The following PHRF1 variants were observed in gnomAD, a reference collection of about 807,000 sequenced individuals.
The protein encoded by PHRF1 is PHD and ring finger domains 1, also known as PHD and RING finger domain-containing protein 1.
Under a neutral mutation model 128.9 loss-of-function variants are expected in PHRF1, and 53 were observed. That is an observed-to-expected ratio of 0.41 (90% confidence interval 0.33 to 0.52). The LOEUF is 0.52. Ranked by LOEUF, PHRF1 falls within the 20% of genes least tolerant of loss-of-function variation. The pLI, the probability that PHRF1 is intolerant of heterozygous loss-of-function variation, is 0.21. For synonymous variants in PHRF1, 1,178 were observed against 980.6 expected, an observed-to-expected ratio of 1.20 and a Z score of -3.76; for missense variants, 2,503 against 2,284.5, an observed-to-expected ratio of 1.10 and a Z score of -1.95.
chr11:585,742 A>C lies in PHRF1; in HGVS notation c.215-1517A>C, dbSNP rs551393857. On this transcript the variant is annotated intron_variant, in intron 3 of 17. Transcript: ENST00000264555. ...GTTGCCCAGGCTGGAGTGCAGCAGC[A>C]CGATCTCAGTTCACTGCAAGCTCTG... 2.8e-5 allele frequency among the ~76,000 whole-genome samples: 4 copies of C among 140,822 alleles called. No individual in the cohort carries two copies. In the South Asian group the frequency reaches 8.7e-4, roughly 31 times the overall value. 92.4% of individuals were successfully genotyped at this position (140,822 alleles called of 152,430 possible).
rs554456773 is a variant in PHRF1 at position 593,668 on chromosome 11, C to T, written c.620+994C>T. Among the ~76,000 whole-genome samples the T allele has an allele frequency of 5.3e-5, 8 of 152,334 alleles. No individual in the cohort carries two copies. In the East Asian group the frequency reaches 1.4e-3, roughly 26 times the overall value. On this transcript the variant is annotated intron_variant, in intron 6 of 17. Transcript: ENST00000264555. ...GCCTCCTTGGGGGTCCTGCAGGCGG[C>T]CACCACGTTTGTCTCATCGTCAGTT...
Position 605,860 on chromosome 11 carries a change from C to T in PHRF1, c.1454+136C>T, listed in dbSNP as rs1479865754. 5.2e-6 allele frequency: 7 copies of T among 1,344,124 alleles called. No homozygotes were observed. The East Asian group carries it at 1.3e-4, about 24-fold the overall frequency. The allele number at this position is 1,344,124 out of a possible 1,614,324, so 83.3% of individuals were successfully genotyped here. On this transcript the variant is annotated intron_variant, in intron 12 of 17. Transcript: ENST00000264555. ...AGCACCTCCCCTCAGCTGTCATGCT[C>T]ATCAGTCGGCCCTTGGCGTGAGGCA...
intron 6 of PHRF1, among the ~76,000 whole-genome samples, chr11:595,807 C>G (rs1418612948): frequency 6.6e-6 from 1 of 152,356 alleles, no homozygotes; most frequent in African/African-American, 2.4e-5. Context: ...GAAGGTACTG[C>G]TCATCCTTGC....
Position 605,472 on chromosome 11 carries a change from G to C in PHRF1, c.1335-133G>C, listed in dbSNP as rs2133055379. 4.0e-6 allele frequency: 6 copies of C among 1,490,798 alleles called. No individual in the cohort carries two copies. In the East Asian group the frequency reaches 9.2e-5, roughly 23 times the overall value. The allele number at this position is 1,490,798 out of a possible 1,614,324, so 92.3% of individuals were successfully genotyped here. On this transcript the variant is annotated intron_variant, in intron 11 of 17. Transcript: ENST00000264555. ...TGGGTGGCGTGGAACTCAGAGGTCT[G>C]GTTCGGGGCCCGAATCACACGTGCC...
chr11:601,146 G>A (rs908724290), intron 9 of PHRF1, among the ~76,000 whole-genome samples: 4 of 151,862 alleles, frequency 2.6e-5, no homozygotes, highest in East Asian at 1.9e-4. Context: ...GCAAGACTCC[G>A]TCTCAGAAAA....
At position 579,949 on chromosome 11, in the gene PHRF1, G is replaced by T. The variant is rs749780241; in HGVS notation, c.-21-1543G>T. ...CCAGGGGTTTCCAGACAGCAGTGGC[G>T]CTGACAGCCACTTTCCCCCGTTGCT... On this transcript the variant is annotated intron_variant, in intron 1 of 17. Coordinates refer to ENST00000264555, the MANE Select transcript of PHRF1 (RefSeq NM_001286581.2). Among the ~76,000 whole-genome samples the T allele has an allele frequency of 2.6e-5, 4 of 152,192 alleles. No individual in the cohort carries two copies. The South Asian group carries it at 6.2e-4, about 24-fold the overall frequency.
chr11:608,098 C>T lies in PHRF1; in HGVS notation c.2642C>T (p.Ser881Phe). 1 of 1,611,874 alleles carries T rather than the reference C, an allele frequency of 6.2e-7. No individual in the cohort carries two copies. Among genetic ancestry groups the T allele is most frequent in the Non-Finnish European group, 8.5e-7 (1 of 1,179,876 alleles). Residue 881 changes from serine to phenylalanine, a missense_variant, in exon 14 of 18, where the codon TCC becomes TTC. Coordinates refer to ENST00000264555, the MANE Select transcript of PHRF1 (RefSeq NM_001286581.2). ...GTGCAGGCTGTGCGCTGCGTCACCT[C>T]CTACACGGTGGAGAGCATCTTTGGT... is the stretch of plus-strand genomic sequence containing the variant. The part of the protein sequence containing the change: ...QTVQAVRCVT[S>F]YTVESIFGTE...
chr11:576,701 C>T (rs1235928096), intron 1 of PHRF1, 109 bp downstream of exon 1: 1 of 147,166 alleles, frequency 6.8e-6, no homozygotes, highest in Non-Finnish European at 1.5e-5. Context: ...GCGAGGCCTG[C>T]GCCGCGCTGG....
rs967987968 is a variant in PHRF1 at position 607,512 on chromosome 11, A to G, written c.2056A>G (p.Arg686Gly). ...TGAGCTACCCAGGATACCAAAGATC[A>G]GGAGAGATGACGGTGGTGGCAGACG... ...ISELPRIPKIRRDDGGGRRDA... is the reference protein window; with the variant it reads ...ISELPRIPKIGRDDGGGRRDA... The change falls in exon 14 of 18, where the codon AGG becomes GGG. Residue 686 changes from arginine (R) to glycine (G), a missense_variant. Physicochemically the swap from Arg to Gly is moderately radical, Grantham distance 125. Transcript: ENST00000264555. 1.9e-6 allele frequency: 3 copies of G among 1,612,810 alleles called. No homozygotes were observed. The highest frequency in any genetic ancestry group is 2.5e-6 in the Non-Finnish European group (3 of 1,179,898).
rs534709932 is a variant in PHRF1, at chr11:594,709, A to G, written c.620+2035A>G. ...ACTCCTGGGCTCAATTGATCCGCCC[A>G]CCTCGGCCTCCCAAAGTGCTGAGAT... On this transcript the variant is annotated intron_variant, in intron 6 of 17. Coordinates refer to ENST00000264555, the MANE Select transcript of PHRF1 (RefSeq NM_001286581.2). Among the ~76,000 whole-genome samples the G allele has an allele frequency of 5.3e-5, 8 of 152,180 alleles. No homozygotes were observed. The South Asian group carries it at 1.7e-3, about 32-fold the overall frequency.
At chr11:588,943 C>T (rs978862082) in intron 4 of PHRF1, among the ~76,000 whole-genome samples, 1 of 151,902 alleles carries the variant, frequency 6.6e-6, no homozygotes, top group African/African-American at 2.4e-5. Context: ...CAAGACCATC[C>T]TGGCCAACAT....
Position 611,929 on chromosome 11 carries a change from C to A in PHRF1, c.*152C>A. Reference sequence around the variant, plus strand: ...AAATGGGGGGCATCACCATGCCTGCCGTCGGGTTCCTGCGCTGACACCTGG... The same window carrying A: ...AAATGGGGGGCATCACCATGCCTGCAGTCGGGTTCCTGCGCTGACACCTGG... On this transcript the variant is annotated 3_prime_UTR_variant, in exon 18 of 18. Transcript: ENST00000264555. 1 of 1,286,628 alleles carries A rather than the reference C, an allele frequency of 7.8e-7. No homozygotes were observed. The highest frequency in any genetic ancestry group is 1.5e-5 in the South Asian group (1 of 66,706). 79.7% of individuals were successfully genotyped at this position (1,286,628 alleles called of 1,614,324 possible). A position where few individuals can be genotyped will look rare whatever the true frequency, so the allele number is the denominator to read the frequency against.
Position 597,673 on chromosome 11 carries a change from G to T in PHRF1, c.894+103G>T, listed in dbSNP as rs952661633. On this transcript the variant is annotated intron_variant, in intron 8 of 17. Coordinates refer to ENST00000264555, the MANE Select transcript of PHRF1 (RefSeq NM_001286581.2). This position sits in a 1 kb window ranked among gnomAD's most constrained non-coding sequence, Gnocchi z 6.5. ...GGGCGTCGTCGGCACTGTGGGGTCC[G>T]CCCGGCCCCGGTGGCTCATGTTGTT... 2.9e-6 allele frequency: 4 copies of T among 1,399,860 alleles called. No individual in the cohort carries two copies. The highest frequency in any genetic ancestry group is 4.3e-5 in the Admixed American group (2 of 46,674). 86.7% of individuals were successfully genotyped at this position (1,399,860 alleles called of 1,614,324 possible). A position where few individuals can be genotyped will look rare whatever the true frequency, so the allele number is the denominator to read the frequency against.
chr11:598,179 GC>G (rs1383715392), intron 8 of PHRF1, among the ~76,000 whole-genome samples, 193 bp from the exon 9 acceptor site: 1 of 152,226 alleles, frequency 6.6e-6, no homozygotes, highest in Non-Finnish European at 1.5e-5. Context: ...CACCCGCCTT[GC>G]CCCCGTGGGA....
chr11:605,196 A>G lies in PHRF1; in HGVS notation c.1230A>G (p.Ser410=). The part of the protein sequence containing the change: ...RRPVHSSCIP[S]VLKPVEPSLG... The stretch of plus-strand genomic sequence containing the variant: ...CTGTTCACAGCAGCTGCATCCCGTC[A>G]GTGTTGAAGCCAGTGGAGCCCTCTT... The change falls in exon 11 of 18, where the codon TCA becomes TCG. Residue 410 remains serine (S), a synonymous_variant. Coordinates refer to ENST00000264555, the MANE Select transcript of PHRF1 (RefSeq NM_001286581.2). 2 of 1,613,512 alleles carry G rather than the reference A, an allele frequency of 1.2e-6. No individual in the cohort carries two copies. Among genetic ancestry groups the G allele is most frequent in the South Asian group, 1.1e-5 (1 of 91,084 alleles).
Position 605,112 on chromosome 11 carries a change from G to C in PHRF1, c.1153-7G>C. On this transcript the variant is annotated splice_region_variant and splice_polypyrimidine_tract_variant and intron_variant, in intron 10 of 17. Transcript: ENST00000264555. ...CTGTTCATCTTTTTCTTTGTTACTG[G>C]ATTCAGAGTGAAGCCACCACTCGCT... The C allele has an allele frequency of 1.2e-6, 2 of 1,603,876 alleles. No homozygotes were observed. The highest frequency in any genetic ancestry group is 1.7e-6 in the Non-Finnish European group (2 of 1,172,118).
At chr11:610,828 T>C (rs982418763) in intron 16 of PHRF1, 67 bp downstream of exon 16, 11 of 1,585,992 alleles carry the variant, frequency 6.9e-6, no homozygotes, top group South Asian at 1.1e-5. Flanking sequence ...TTGTTGGGGC[T>C]GAGTTTATGG....
chr11:587,230 T>C (rs367666385), intron 3 of PHRF1, 29 bp from the exon 4 acceptor site: 293 of 1,608,400 alleles, frequency 1.8e-4, no homozygotes, highest in Non-Finnish European at 2.4e-4. Flanking sequence ...CCCATCCTGC[T>C]TGCACCAGCT....
intron 10 of PHRF1, among the ~76,000 whole-genome samples, chr11:602,908 G>A (rs1455476639): frequency 3.3e-5 from 5 of 151,750 alleles, no homozygotes; most frequent in South Asian, 2.1e-4. Context: ...GATTATAGGC[G>A]TGTGCCACCA....
Sources: gnomAD v4.1 joint callset for allele counts (sites outside exome capture counted in the v4.1 genomes callset) on GRCh38, gnomAD v4.1.1 for gene constraint, Gnocchi (gnomAD v3.1) non-coding constraint, MANE v1.5 for transcripts, NCBI Gene and HGNC (gene_info 2026-07-23, HGNC 2026-07-21) for gene names.